Variants in ZC3H4 observed in about 807,000 individuals in gnomAD.
The protein encoded by ZC3H4 is zinc finger CCCH domain-containing protein 4.
ZC3H4 carries 13 observed loss-of-function variants against 108.3 expected under a neutral mutation model. That is an observed-to-expected ratio of 0.12 (90% CI 0.08 to 0.19). The LOEUF (loss-of-function observed/expected upper bound fraction) is 0.19. Among genes scored for constraint, ZC3H4 ranks in the 10% least tolerant of loss-of-function variants. The pLI is 1.00. For synonymous variants in ZC3H4, 917 were observed against 749.6 expected (o/e 1.22, Z -3.65); for missense variants, 1,734 against 1,838.8 (o/e 0.94, Z 1.04).
chr19:47,112,958 G>A (rs1042561695), intron 1 of ZC3H4, among the ~76,000 whole-genome samples: 1 of 152,074 alleles, frequency 6.6e-6, no homozygotes, highest in African/African-American at 2.4e-5. Context: ...AAGGGGAGAA[G>A]AGGAGAGCGA....
At chr19:47,101,491 A>C (rs752506546) in intron 2 of ZC3H4, among the ~76,000 whole-genome samples, 8 of 152,082 alleles carry the variant, frequency 5.3e-5, no homozygotes, top group Non-Finnish European at 8.8e-5. Flanking sequence ...GGCCTCCCAA[A>C]GTTCTGGGAT....
In ZC3H4 at chr19:47,069,169, T is replaced by C; in HGVS notation, c.2321A>G (p.Gln774Arg). ...SAQRALYLRI[Q>R]QKQQEEEERA... ...CTCCTCCTCCTCCTGCTGCTTCTGC[T>C]GGATCCTCAGGTACAGGGCCCTCTG... The change falls in exon 14 of 15, where the codon CAG (glutamine) becomes CGG (arginine). Residue 774 changes from glutamine (Q) to arginine (R), a missense_variant. By Grantham distance (43) the Gln-to-Arg change is conservative. This residue lies in a region of ZC3H4 where 540 missense variants were observed against 484.1 expected (regional missense o/e 1.12). Coordinates refer to ENST00000253048, the MANE Select transcript of ZC3H4 (RefSeq NM_015168.2). The C allele has an allele frequency of 6.2e-7, 1 of 1,609,516 alleles. No individual in the cohort carries two copies. Among genetic ancestry groups the C allele is most frequent in the Non-Finnish European group, 8.5e-7 (1 of 1,179,968 alleles).
chr19:47,113,304 A>C (rs1214201553), intron 1 of ZC3H4: 1 of 153,872 alleles, frequency 6.5e-6, no homozygotes, highest in Non-Finnish European at 1.4e-5. Context: ...AGCCGAAAGG[A>C]GCTGAGCAGG....
chr19:47,104,385 G>A (rs1165415118), intron 2 of ZC3H4, among the ~76,000 whole-genome samples: 1 of 152,154 alleles, frequency 6.6e-6, no homozygotes, highest in Non-Finnish European at 1.5e-5. Context: ...CTAGTCACCT[G>A]TGGGTTCCTT....
rs534595272 is a variant in ZC3H4, at chr19:47,097,249, G to A, written c.162-2641C>T. ...CAACCATACAACTTTTCACAAAACA[G>A]GCAGTGACTACTTGAAATTTTGTTT... On this transcript the variant is annotated intron_variant, in intron 2 of 14. Coordinates refer to ENST00000253048, the MANE Select transcript of ZC3H4 (RefSeq NM_015168.2). 3.5e-4 allele frequency among the ~76,000 whole-genome samples: 54 copies of A among 152,350 alleles called. 1 individual carries two copies. The highest frequency in any genetic ancestry group is 4.1e-4 in the South Asian group (2 of 4,828).
intron 8 of ZC3H4, 61 bp downstream of exon 8, chr19:47,084,995 G>A (rs2057590823): frequency 1.3e-6 from 2 of 1,598,172 alleles, no homozygotes; most frequent in Admixed American, 1.7e-5. Context: ...ACTCATTAAA[G>A]GGAAAAAGGA....
rs548252097 is a variant in ZC3H4, at chr19:47,069,085, C to T, written c.2398+7G>A. The stretch of plus-strand genomic sequence containing the variant: ...CCTGTGCCCCGGCCCCTGGGGCGGA[C>T]ACGTGCCTTCCTCATTCTCCCGGTC... On this transcript the variant is annotated splice_region_variant and intron_variant, in intron 14 of 14. Coordinates refer to ENST00000253048, the MANE Select transcript of ZC3H4 (RefSeq NM_015168.2). 17 of 1,602,480 alleles carry T rather than the reference C, an allele frequency of 1.1e-5. No homozygotes were observed. The highest frequency in any genetic ancestry group is 1.4e-5 in the Non-Finnish European group (17 of 1,179,888).
At chr19:47,108,889 AAAAAAATAAAGGAGTTTT>A (rs1568570886) in intron 2 of ZC3H4, among the ~76,000 whole-genome samples, 2 of 152,208 alleles carry the variant, frequency 1.3e-5, no homozygotes, top group Admixed American at 6.5e-5. Context: ...GAGGGGAATT[AAAAAAATAAAGGAGTTTT>A]AAAAAATAAA....
At chr19:47,106,410 G>A (rs1196059719) in intron 2 of ZC3H4, among the ~76,000 whole-genome samples, 4 of 152,164 alleles carry the variant, frequency 2.6e-5, no homozygotes, top group Non-Finnish European at 5.9e-5. Flanking sequence ...ACTATGAGGT[G>A]CCACTGCATT....
intron 5 of ZC3H4, 60 bp from the exon 6 acceptor site, chr19:47,086,598 A>C (rs1361621126): frequency 6.6e-7 from 1 of 1,509,460 alleles, no homozygotes; most frequent in Non-Finnish European, 8.8e-7. Flanking sequence ...GCAAGAAAGA[A>C]GACAACCCAC....
chr19:47,076,683 A>C (rs955046626), intron 11 of ZC3H4, among the ~76,000 whole-genome samples: 6 of 151,144 alleles, frequency 4.0e-5, no homozygotes, highest in African/African-American at 1.5e-4. Context: ...GTGAAACCTT[A>C]TCTCTACTAA....
chr19:47,067,987 GTCC>G lies in ZC3H4; in HGVS notation c.2399-121_2399-119del. The G allele has an allele frequency of 9.8e-7, 1 of 1,018,072 alleles. No individual in the cohort carries two copies. The highest frequency in any genetic ancestry group is 1.5e-5 in the South Asian group (1 of 66,122). The allele number at this position is 1,018,072 out of a possible 1,614,324, so 63.1% of individuals were successfully genotyped here. A position where few individuals can be genotyped will look rare whatever the true frequency, so the allele number is the denominator to read the frequency against. Reference sequence around the variant, plus strand: ...TTGCTTGTGCCTCTCAGAACCTCAGGTCCTCCTCTCTAAGGCTCCCTCCCCACA... The same window carrying G: ...TTGCTTGTGCCTCTCAGAACCTCAGGTCCTCTCTAAGGCTCCCTCCCCACA... On this transcript the variant is annotated intron_variant, in intron 14 of 14. Transcript: ENST00000253048. The surrounding 1 kb of genome is among the most constrained non-coding windows in gnomAD (Gnocchi z 6.4).
chr19:47,077,635 C>G (rs1167859774), intron 11 of ZC3H4, among the ~76,000 whole-genome samples: 2 of 152,150 alleles, frequency 1.3e-5, no homozygotes, highest in African/African-American at 4.8e-5. Context: ...GGGCGTGGAT[C>G]ACCTGAGGTT....
At chr19:47,089,193 A>C (rs2057687236) in intron 5 of ZC3H4, among the ~76,000 whole-genome samples, 1 of 144,950 alleles carries the variant, frequency 6.9e-6, no homozygotes, top group African/African-American at 2.6e-5. Flanking sequence ...CGACAGAGCA[A>C]GACTCCGTCT....
At chr19:47,086,029 G>A (rs566054041) in intron 6 of ZC3H4, among the ~76,000 whole-genome samples, 20 of 151,972 alleles carry the variant, frequency 1.3e-4, no homozygotes, top group East Asian at 3.9e-4. Flanking sequence ...TACCACACCC[G>A]GCTAATTTTT....
In ZC3H4 at chr19:47,066,980, C is replaced by A. The variant is rs774760019; in HGVS notation, c.3288G>T (p.Lys1096Asn). Residue 1096 changes from lysine to asparagine, a missense_variant, in exon 15 of 15, where the codon AAG becomes AAT. By Grantham distance (94) the Lys-to-Asn change is moderately conservative (BLOSUM62 0). This residue lies in a region of ZC3H4 where 518 missense variants were observed against 499.6 expected (regional missense o/e 1.04). Transcript: ENST00000253048. ...GAGAGGGCGCCTCAGCAGGGCCGGG[C>A]TTGGCAGCCCGGGAGGAGGCCGTAG... is the stretch of plus-strand genomic sequence containing the variant. ...TDSTASSRAA[K>N]PGPAEAPSPT... 6.3e-7 allele frequency: 1 copy of A among 1,589,468 alleles called. No homozygotes were observed. The highest frequency in any genetic ancestry group is 8.6e-7 in the Non-Finnish European group (1 of 1,168,100).
intron 2 of ZC3H4, among the ~76,000 whole-genome samples, chr19:47,095,555 C>A (rs2057807316): frequency 1.3e-5 from 2 of 152,188 alleles, no homozygotes; most frequent in Admixed American, 1.3e-4. Flanking sequence ...CCCCGTGTCA[C>A]CCCAATCTCC....
intron 11 of ZC3H4, among the ~76,000 whole-genome samples, chr19:47,077,242 G>A (rs1377553721): frequency 1.3e-5 from 2 of 151,822 alleles, no homozygotes; most frequent in African/African-American, 4.8e-5. Context: ...AGGCCTGCGG[G>A]TGGATCACCT....
At chr19:47,082,790 C>T (rs1370511535) in intron 9 of ZC3H4, among the ~76,000 whole-genome samples, 7 of 152,220 alleles carry the variant, frequency 4.6e-5, no homozygotes, top group African/African-American at 1.4e-4. Flanking sequence ...CTGACCACTG[C>T]GCTGCCAGCT....
Sources: allele counts gnomAD v4.1 joint callset (sites outside exome capture counted in the v4.1 genomes callset), GRCh38; gene constraint gnomAD v4.1.1; regional missense constraint gnomAD v4.1.1; non-coding constraint Gnocchi (gnomAD v3.1); transcripts MANE v1.5; gene names NCBI Gene and HGNC (gene_info 2026-07-23, HGNC 2026-07-21).